Variants in RBM41 observed in about 807,000 individuals in gnomAD.
RBM41 encodes the protein RNA-binding protein 41.
A neutral mutation model predicts 30.8 loss-of-function variants in RBM41; 14 were observed. The observed-to-expected ratio is 0.45, with a 90% confidence interval of 0.30 to 0.71. The LOEUF (loss-of-function observed/expected upper bound fraction) is 0.71, where lower values mean the gene tolerates loss of function less well. Among genes scored for constraint, RBM41 ranks in the 30% least tolerant of loss-of-function variants. The pLI, the probability that RBM41 is intolerant of heterozygous loss-of-function variation, is 0.08. For synonymous variants in RBM41, 120 were observed against 110.1 expected, an observed-to-expected ratio of 1.09 and a Z score of -0.56; for missense variants, 276 against 326.3, an observed-to-expected ratio of 0.85 and a Z score of 1.19.
At chrX:107,101,185 G>C (rs755437098) in intron 5 of RBM41, among the ~76,000 whole-genome samples, 1 of 111,507 alleles carries the variant, frequency 9.0e-6, no homozygotes, top group Non-Finnish European at 1.9e-5. Context: ...GTTGTGATTT[G>C]TGAGGGACAT....
chrX:107,052,392 A>T, the RBM41 span, among the ~76,000 whole-genome samples: 3 of 111,203 alleles, frequency 2.7e-5, no homozygotes, highest in East Asian at 8.5e-4. Flanking sequence ...TCACCTTCCC[A>T]GCTAGGCTTA....
intron 6 of RBM41, among the ~76,000 whole-genome samples, chrX:107,085,863 T>C (rs1418061419): frequency 9.0e-6 from 1 of 111,692 alleles, no homozygotes; most frequent in African/African-American, 3.3e-5. Flanking sequence ...TCTGATAACA[T>C]TAAAATGAAA....
intron 5 of RBM41, among the ~76,000 whole-genome samples, chrX:107,100,741 C>T (rs1923385773): frequency 9.0e-6 from 1 of 110,920 alleles, no homozygotes; most frequent in Non-Finnish European, 1.9e-5. Context: ...CCCAATTCCA[C>T]TCCTAGATAT....
At chrX:107,058,899 C>CT (rs762651398), downstream of RBM41, among the ~76,000 whole-genome samples, 24 of 110,693 alleles carry the variant, frequency 2.2e-4, no homozygotes, top group East Asian at 2.9e-3. Context: ...TCTTGGGTCT[C>CT]TTTTTTTTGT....
intron 5 of RBM41, among the ~76,000 whole-genome samples, chrX:107,112,228 T>G (rs1295376402): frequency 9.0e-6 from 1 of 111,175 alleles, no homozygotes; most frequent in Non-Finnish European, 1.9e-5. Context: ...AGCAAAAGAT[T>G]TGAACAGACA....
intron 6 of RBM41, among the ~76,000 whole-genome samples, chrX:107,087,137 T>A (rs1038755414): frequency 1.8e-5 from 2 of 111,664 alleles, no homozygotes; most frequent in Non-Finnish European, 3.8e-5. Flanking sequence ...CAGGAATATC[T>A]ATAATGCTTT....
At chrX:107,073,802 T>C (rs930450559) in intron 6 of RBM41, among the ~76,000 whole-genome samples, 7 of 112,145 alleles carry the variant, frequency 6.2e-5, no homozygotes, top group African/African-American at 2.3e-4. Flanking sequence ...AATATTGAAA[T>C]CCTGTTATTC....
chrX:107,115,311 C>A, intron 4 of RBM41, 41 bp downstream of exon 4: 1 of 1,169,721 alleles, frequency 8.5e-7, no homozygotes, highest in Non-Finnish European at 1.2e-6. Context: ...TAATCTTTCT[C>A]TCAGTGAAAG....
chrX:107,056,555 C>G, the RBM41 span, among the ~76,000 whole-genome samples: 10 of 111,728 alleles, frequency 9.0e-5, no homozygotes, highest in African/African-American at 3.3e-4. Flanking sequence ...CTGATTCAAT[C>G]TCTTGTTATA....
Position 107,118,810 on chromosome X carries a change from G to A in RBM41, c.-37C>T, listed in dbSNP as rs1245467077. On this transcript the variant is annotated 5_prime_UTR_variant, in exon 1 of 8. Transcript: ENST00000685964. ...CCCCTACCTCCAACTTGGGTAAATA[G>A]GCCGCGGACCTCAAGTCCCAGAACT... The A allele has an allele frequency of 4.1e-6, 5 of 1,204,960 alleles. No homozygotes were observed. Among genetic ancestry groups the A allele is most frequent in the Admixed American group, 2.2e-5 (1 of 45,426 alleles).
At chrX:107,056,747 A>T in the RBM41 span, among the ~76,000 whole-genome samples, 8 of 109,531 alleles carry the variant, frequency 7.3e-5, no homozygotes, top group Non-Finnish European at 1.5e-4. Context: ...AAATAAATTG[A>T]ATCTTCTTTT....
chrX:107,058,458 T>C (rs1160238987), downstream of RBM41, among the ~76,000 whole-genome samples: 1 of 111,315 alleles, frequency 9.0e-6, no homozygotes, highest in Non-Finnish European at 1.9e-5. Flanking sequence ...ATTGCTCTCA[T>C]TTCAAAAATG....
intron 5 of RBM41, among the ~76,000 whole-genome samples, chrX:107,101,583 G>T (rs1317692964): frequency 8.9e-6 from 1 of 111,766 alleles, no homozygotes; most frequent in Non-Finnish European, 1.9e-5. Flanking sequence ...TCTAAGAACT[G>T]CCAGCAAACA....
intron 1 of RBM41, among the ~76,000 whole-genome samples, chrX:107,117,867 A>G (rs1043207527): frequency 2.7e-5 from 3 of 111,627 alleles, no homozygotes; most frequent in Non-Finnish European, 3.8e-5. Flanking sequence ...TTAAGCTTGT[A>G]GTGGATGCGA....
At chrX:107,098,413 G>A (rs2147663950) in intron 5 of RBM41, among the ~76,000 whole-genome samples, 1 of 111,788 alleles carries the variant, frequency 8.9e-6, no homozygotes, top group South Asian at 3.8e-4. Context: ...AAGCTAGACT[G>A]TATGATATTG....
Position 107,067,498 on chromosome X carries a change from C to T in RBM41, c.*29G>A. On this transcript the variant is annotated 3_prime_UTR_variant, in exon 8 of 8. Coordinates refer to ENST00000685964, the MANE Select transcript of RBM41 (RefSeq NM_001324242.2). ...ATCCAAGATTCCAATTCAAGAAAGA[C>T]CATCCAGGACCCACAATTTATATAT... The T allele has an allele frequency of 8.8e-7, 1 of 1,141,996 alleles. No individual in the cohort carries two copies. Among genetic ancestry groups the T allele is most frequent in the Non-Finnish European group, 1.2e-6 (1 of 857,580 alleles). 94.1% of individuals were successfully genotyped at this position (1,141,996 alleles called of 1,213,427 possible). A position where few individuals can be genotyped will look rare whatever the true frequency, so the allele number is the denominator to read the frequency against.
At chrX:107,054,039 G>C in the RBM41 span, among the ~76,000 whole-genome samples, 1 of 110,632 alleles carries the variant, frequency 9.0e-6, no homozygotes, top group East Asian at 2.9e-4. Context: ...CTTGGTAAGG[G>C]GAGCTACTGG....
In RBM41 at chrX:107,115,378, G is replaced by A; in HGVS notation, c.497C>T (p.Ser166Phe). 1 of 1,211,895 alleles carries A rather than the reference G, an allele frequency of 8.3e-7. No homozygotes were observed. Among genetic ancestry groups the A allele is most frequent in the Non-Finnish European group, 1.1e-6 (1 of 895,460 alleles). ...KSLFQGADRH[S>F]FLKALYYQAY... ...TTGGTAATAAAGAGCCTTAAGGAAGGAGTGACGATCAGCTCCCTGAAATAA... is the reference window on the plus strand; with the variant it reads ...TTGGTAATAAAGAGCCTTAAGGAAGAAGTGACGATCAGCTCCCTGAAATAA... The change falls in exon 4 of 8, where the codon TCC (serine) becomes TTC (phenylalanine). Residue 166 changes from serine to phenylalanine, a missense_variant. Ser to Phe is a radical substitution (Grantham distance 155, BLOSUM62 -2). Transcript: ENST00000685964.
chrX:107,059,490 T>C (rs1354018870), downstream of RBM41, among the ~76,000 whole-genome samples: 1 of 111,736 alleles, frequency 8.9e-6, no homozygotes, highest in East Asian at 2.8e-4. Flanking sequence ...ATATGTATCC[T>C]GGAACTTTGA....
Sources: allele counts gnomAD v4.1 joint callset (sites outside exome capture counted in the v4.1 genomes callset), GRCh38; gene constraint gnomAD v4.1.1; transcripts MANE v1.5; gene names NCBI Gene and HGNC (gene_info 2026-07-23, HGNC 2026-07-21).